CFAP299: variants seen among roughly 807,000 people sequenced by gnomAD.
The protein encoded by CFAP299 is cilia- and flagella-associated protein 299.
In CFAP299, 21 loss-of-function variants were observed where a neutral mutation model predicts 27.0. The ratio of observed to expected loss-of-function variants is 0.78; its 90% CI spans 0.55 to 1.12. The LOEUF (loss-of-function observed/expected upper bound fraction) is 1.12, where lower values mean the gene tolerates loss of function less well. CFAP299 is among the 50% of genes most tolerant of loss of function. CFAP299 has a pLI of 0.00. For synonymous variants in CFAP299, 104 were observed against 98.1 expected, an observed-to-expected ratio of 1.06 and a Z score of -0.36; for missense variants, 310 against 276.6, an observed-to-expected ratio of 1.12 and a Z score of -0.86.
At chr4:80,792,843 T>C (rs553643907) in intron 3 of CFAP299, among the ~76,000 whole-genome samples, 1 of 152,264 alleles carries the variant, frequency 6.6e-6, no homozygotes, top group Admixed American at 6.6e-5. Flanking sequence ...TGTATATTTT[T>C]AGCTGTAAGA....
At chr4:80,689,119 C>T (rs1720455029) in intron 3 of CFAP299, among the ~76,000 whole-genome samples, 1 of 152,140 alleles carries the variant, frequency 6.6e-6, no homozygotes, top group Admixed American at 6.5e-5. Context: ...AAGCACTCTG[C>T]AGGATATTAT....
At chr4:80,422,895 T>G (rs139101938) in intron 2 of CFAP299, among the ~76,000 whole-genome samples, 205 of 152,314 alleles carry the variant, frequency 1.3e-3, no homozygotes, top group African/African-American at 4.7e-3. Context: ...AGTATACTTA[T>G]GTAAACCTAG....
At chr4:80,954,422 G>A (rs1198608244) in intron 5 of CFAP299, among the ~76,000 whole-genome samples, 2 of 152,158 alleles carry the variant, frequency 1.3e-5, no homozygotes, top group Non-Finnish European at 2.9e-5. Flanking sequence ...GAATACAATA[G>A]CATGAATAGT....
chr4:80,374,635 G>A (rs1254385431), intron 2 of CFAP299, among the ~76,000 whole-genome samples: 1 of 152,130 alleles, frequency 6.6e-6, no homozygotes, highest in Non-Finnish European at 1.5e-5. Context: ...TCTGATTTTG[G>A]TGTAACATAC....
intron 4 of CFAP299, among the ~76,000 whole-genome samples, chr4:80,884,867 C>A (rs1016472268): frequency 6.6e-5 from 10 of 152,140 alleles, no homozygotes; most frequent in African/African-American, 2.4e-4. Flanking sequence ...AGCACAATCA[C>A]AACTGTTAAC....
intron 3 of CFAP299, among the ~76,000 whole-genome samples, chr4:80,708,953 C>T (rs1399373896): frequency 6.6e-6 from 1 of 152,098 alleles, no homozygotes; most frequent in African/African-American, 2.4e-5. Flanking sequence ...AGTTTGTCAT[C>T]TAATCTGTAG....
intron 1 of CFAP299, among the ~76,000 whole-genome samples, chr4:80,350,959 T>TA (rs1040180672): frequency 1.4e-3 from 207 of 148,282 alleles, no homozygotes; most frequent in Admixed American, 5.2e-3. Context: ...AATAAGTAAA[T>TA]AAAAAAAAAG....
intron 2 of CFAP299, among the ~76,000 whole-genome samples, chr4:80,394,854 G>C (rs771514959): frequency 1.3e-5 from 2 of 151,984 alleles, no homozygotes; most frequent in Non-Finnish European, 2.9e-5. Flanking sequence ...GAAATCAGGT[G>C]ATGTGATACC....
chr4:80,347,124 G>T (rs908879171), intron 1 of CFAP299, among the ~76,000 whole-genome samples: 1 of 152,108 alleles, frequency 6.6e-6, no homozygotes, highest in Non-Finnish European at 1.5e-5. Flanking sequence ...CATTGATTTT[G>T]TATCCTGAGA....
chr4:80,333,076 T>G (rs1721999403), upstream of CFAP299, among the ~76,000 whole-genome samples: 1 of 152,160 alleles, frequency 6.6e-6, no homozygotes, highest in African/African-American at 2.4e-5. Flanking sequence ...ATCTTATACT[T>G]GTATTTCTCT....
intron 2 of CFAP299, among the ~76,000 whole-genome samples, chr4:80,550,718 T>TAA (rs1329018157): frequency 1.3e-5 from 2 of 151,832 alleles, no homozygotes; most frequent in African/African-American, 2.4e-5. Context: ...TATATATATA[T>TAA]AACTTACAAT....
At chr4:80,691,866 G>A (rs1278169726) in intron 3 of CFAP299, among the ~76,000 whole-genome samples, 3 of 152,128 alleles carry the variant, frequency 2.0e-5, no homozygotes, top group African/African-American at 7.2e-5. Context: ...CAAAATCAAT[G>A]TACAAAAATC....
Position 80,714,620 on chromosome 4 carries a change from T to G in CFAP299, c.333+131437T>G, listed in dbSNP as rs148928496. On this transcript the variant is annotated intron_variant, in intron 3 of 5. Coordinates refer to ENST00000358105, the MANE Select transcript of CFAP299 (RefSeq NM_152770.3). ...TTTGAGAATAGACCTGGAGTCATGTTGAGTCCATCAAGAAAACGCTCTCCT... is the reference window on the plus strand; with the variant it reads ...TTTGAGAATAGACCTGGAGTCATGTGGAGTCCATCAAGAAAACGCTCTCCT... 2.4e-3 allele frequency among the ~76,000 whole-genome samples: 365 copies of G among 152,280 alleles called. 1 individual carries two copies. Among genetic ancestry groups the G allele is most frequent in the African/African-American group, 8.3e-3 (347 of 41,568 alleles).
At chr4:80,499,291 A>G (rs1375414165) in intron 2 of CFAP299, among the ~76,000 whole-genome samples, 3 of 152,166 alleles carry the variant, frequency 2.0e-5, no homozygotes, top group African/African-American at 7.2e-5. Flanking sequence ...GAAAAATGTC[A>G]TTCAATCTTT....
intron 2 of CFAP299, among the ~76,000 whole-genome samples, chr4:80,445,873 G>A (rs547022572): frequency 2.6e-5 from 4 of 152,200 alleles, no homozygotes; most frequent in African/African-American, 9.6e-5. Flanking sequence ...AGTTAATATG[G>A]TTTATTACAG....
At chr4:80,457,958 G>A (rs1488858206) in intron 2 of CFAP299, among the ~76,000 whole-genome samples, 1 of 152,072 alleles carries the variant, frequency 6.6e-6, no homozygotes, top group Non-Finnish European at 1.5e-5. Flanking sequence ...TTTCTATCCT[G>A]TGGCATATTA....
chr4:80,735,874 C>A (rs1490373944), intron 3 of CFAP299, among the ~76,000 whole-genome samples: 5 of 152,054 alleles, frequency 3.3e-5, no homozygotes, highest in Non-Finnish European at 7.4e-5. Context: ...AAATGTCCAT[C>A]AGGGATAATG....
intron 3 of CFAP299, among the ~76,000 whole-genome samples, chr4:80,616,695 G>A (rs529424370): frequency 1.4e-4 from 21 of 152,118 alleles, no homozygotes; most frequent in Admixed American, 3.3e-4. Flanking sequence ...TCTCGGAGCT[G>A]TATGATGTAC....
chr4:80,620,698 A>C (rs1384228209), intron 3 of CFAP299, among the ~76,000 whole-genome samples: 4 of 152,002 alleles, frequency 2.6e-5, no homozygotes, highest in Non-Finnish European at 5.9e-5. Context: ...ATTACTGACT[A>C]TCTCTCCTGC....
Sources: allele counts gnomAD v4.1 joint callset (sites outside exome capture counted in the v4.1 genomes callset), GRCh38; gene constraint gnomAD v4.1.1; transcripts MANE v1.5; gene names NCBI Gene and HGNC (gene_info 2026-07-23, HGNC 2026-07-21).